Variants in DGKG observed in about 807,000 individuals in gnomAD.
The protein encoded by DGKG is DAG kinase gamma.
Under a neutral mutation model 105.3 loss-of-function variants are expected in DGKG, and 78 were observed. The ratio of observed to expected loss-of-function variants is 0.74; its 90% CI spans 0.62 to 0.89. DGKG has a LOEUF of 0.89. Among genes scored for constraint, DGKG ranks in the 40% least tolerant of loss-of-function variants. The pLI is 0.00. For missense variants in DGKG, 958 were observed against 1,020.1 expected (o/e 0.94, Z 0.83); for synonymous variants, 346 against 367.1 (o/e 0.94, Z 0.66).
chr3:186,228,147 C>T (rs1316706601), intron 20 of DGKG, among the ~76,000 whole-genome samples: 1 of 152,126 alleles, frequency 6.6e-6, no homozygotes, highest in African/African-American at 2.4e-5. Context: ...ATATGGATTT[C>T]TACTTCACAA....
rs1716253849 is a variant in DGKG at position 186,160,751 on chromosome 3, T to G, written c.2277+852A>C. ...TATTGAGGGTATTACGCATGTAGTA[T>G]CCCAGCAGAGGCCCTGAAAACCAGG... On this transcript the variant is annotated intron_variant, in intron 24 of 24. Transcript: ENST00000265022. 7 of 985,414 alleles carry G rather than the reference T, an allele frequency of 7.1e-6. No individual in the cohort carries two copies. In the East Asian group the frequency reaches 5.7e-4, roughly 80 times the overall value. The allele number at this position is 985,414 out of a possible 1,614,324, so 61.0% of individuals were successfully genotyped here.
intron 1 of DGKG, among the ~76,000 whole-genome samples, chr3:186,352,420 A>G (rs1013710072): frequency 2.0e-5 from 3 of 152,106 alleles, no homozygotes; most frequent in African/African-American, 7.2e-5. Flanking sequence ...CCCTGATCTC[A>G]TGAGTTTTCA....
chr3:186,302,515 TA>T (rs1724008275), intron 3 of DGKG, among the ~76,000 whole-genome samples: 1 of 15,724 alleles, frequency 6.4e-5, no homozygotes, highest in Non-Finnish European at 1.4e-4. Context: ...TACATATGTG[TA>T]TATATATATA....
intron 11 of DGKG, among the ~76,000 whole-genome samples, chr3:186,271,903 GC>G (rs1443704532): frequency 6.6e-6 from 1 of 152,194 alleles, no homozygotes; most frequent in Non-Finnish European, 1.5e-5. Flanking sequence ...TGTGCAACTT[GC>G]CCCGTGCTTC....
chr3:186,237,920 C>T (rs1720492621), intron 20 of DGKG, among the ~76,000 whole-genome samples: 2 of 152,090 alleles, frequency 1.3e-5, no homozygotes, highest in Admixed American at 1.3e-4. Flanking sequence ...CCTAGTTCAC[C>T]ACTTGGCATC....
At chr3:186,150,468 ACT>A (rs762858224) in intron 24 of DGKG, among the ~76,000 whole-genome samples, 12 of 152,076 alleles carry the variant, frequency 7.9e-5, no homozygotes, top group Non-Finnish European at 1.6e-4. Flanking sequence ...GTATTCACAG[ACT>A]CTCAGAATGT....
At chr3:186,293,473 A>T (rs548308511) in intron 5 of DGKG, among the ~76,000 whole-genome samples, 1 of 152,358 alleles carries the variant, frequency 6.6e-6, no homozygotes, top group South Asian at 2.1e-4. Flanking sequence ...AACTAACGAA[A>T]CACCAGGACA....
intron 2 of DGKG, among the ~76,000 whole-genome samples, chr3:186,318,759 C>A (rs564386503): frequency 6.6e-6 from 1 of 152,160 alleles, no homozygotes; most frequent in Non-Finnish European, 1.5e-5. Context: ...GAGCCAGCGC[C>A]GCTGACTCCT....
At chr3:186,187,409 C>A (rs1009481609) in intron 22 of DGKG, among the ~76,000 whole-genome samples, 1 of 152,150 alleles carries the variant, frequency 6.6e-6, no homozygotes, top group African/African-American at 2.4e-5. Flanking sequence ...TGATGCCAAG[C>A]GTTTTGGCTC....
chr3:186,221,990 C>T, intron 20 of DGKG, among the ~76,000 whole-genome samples: 1 of 152,146 alleles, frequency 6.6e-6, no homozygotes, highest in Admixed American at 6.5e-5. Flanking sequence ...CTTTATGCAC[C>T]CAAGGGTCGC....
intron 9 of DGKG, chr3:186,279,243 C>T (rs1410532871): frequency 6.6e-6 from 1 of 152,240 alleles, no homozygotes; most frequent in Non-Finnish European, 1.5e-5. Context: ...TTTCTTCCCA[C>T]TGGCCTAACT....
In DGKG at chr3:186,242,402, C is replaced by T. The variant is rs914725218; in HGVS notation, c.1826+102G>A. 72 of 959,708 alleles carry T rather than the reference C, an allele frequency of 7.5e-5. 1 individual carries two copies. Among genetic ancestry groups the T allele is most frequent in the Admixed American group, 1.7e-4 (6 of 35,508 alleles). 59.4% of individuals were successfully genotyped at this position (959,708 alleles called of 1,614,324 possible). On this transcript the variant is annotated intron_variant, in intron 20 of 24. Coordinates refer to ENST00000265022, the MANE Select transcript of DGKG (RefSeq NM_001346.3). ...GCAAGTGGCAGGAAGGCCAAGTCCC[C>T]AGCGGCCCTGGCTGGGAAAATTTCC...
At chr3:186,155,598 C>T (rs1057477373) in intron 24 of DGKG, among the ~76,000 whole-genome samples, 3 of 152,142 alleles carry the variant, frequency 2.0e-5, no homozygotes, top group African/African-American at 7.2e-5. Flanking sequence ...ATCAATCTCT[C>T]TGTATTTCTG....
At chr3:186,275,722 A>G in intron 9 of DGKG, 58 bp from the exon 10 acceptor site, 1 of 1,164,620 alleles carries the variant, frequency 8.6e-7, no homozygotes, top group African/African-American at 1.5e-5. Flanking sequence ...GGAGGAAGCC[A>G]GGGGCTGCCT....
At chr3:186,235,998 C>A (rs554721329) in intron 20 of DGKG, among the ~76,000 whole-genome samples, 6 of 152,200 alleles carry the variant, frequency 3.9e-5, no homozygotes, top group Non-Finnish European at 8.8e-5. Context: ...GGTCTATGAC[C>A]CCCTCCCTTG....
intron 24 of DGKG, among the ~76,000 whole-genome samples, chr3:186,152,165 G>T (rs1391137521): frequency 6.6e-6 from 1 of 152,158 alleles, no homozygotes; most frequent in Non-Finnish European, 1.5e-5. Context: ...GCATAACCTG[G>T]TGCTAAAAGC....
At chr3:186,299,840 T>TCTTTCTTTCTTTCTTTCTTTCTTTC (rs1553815789) in intron 3 of DGKG, among the ~76,000 whole-genome samples, 2 of 80,724 alleles carry the variant, frequency 2.5e-5, no homozygotes, top group African/African-American at 5.1e-5. Context: ...TTTCTTTCTT[T>TCTTTCTTTCTTTCTTTCTTTCTTTC]TTTTTTTTTT....
intron 22 of DGKG, among the ~76,000 whole-genome samples, chr3:186,178,434 T>C (rs1717197725): frequency 6.6e-6 from 1 of 152,182 alleles, no homozygotes; most frequent in Non-Finnish European, 1.5e-5. Context: ...CTAAGGTGTC[T>C]AGTCCTGCCA....
intron 24 of DGKG, among the ~76,000 whole-genome samples, 174 bp from the exon 25 acceptor site, chr3:186,150,362 G>A (rs1282410578): frequency 6.6e-6 from 1 of 152,172 alleles, no homozygotes; most frequent in South Asian, 2.1e-4. Flanking sequence ...TGGGCCTGGA[G>A]TTTGGCACGG....
Sources: allele counts gnomAD v4.1 joint callset (sites outside exome capture counted in the v4.1 genomes callset), GRCh38; gene constraint gnomAD v4.1.1; transcripts MANE v1.5; gene names NCBI Gene and HGNC (gene_info 2026-07-23, HGNC 2026-07-21).